The following ZNF726 variants were observed in gnomAD, a reference collection of about 807,000 sequenced individuals.
ZNF726 encodes zinc finger protein 726, also known as zinc finger protein 92 pseudogene 3.
In ZNF726, 15 loss-of-function variants were observed where a neutral mutation model predicts 11.6. That is an observed-to-expected ratio of 1.29 (90% confidence interval 0.86 to 1.99). The LOEUF (loss-of-function observed/expected upper bound fraction) is 1.99. Among genes scored for constraint, ZNF726 ranks in the 30% most tolerant of loss-of-function variants. ZNF726 has a pLI of 0.00. For synonymous variants in ZNF726, 295 were observed against 243.6 expected, an observed-to-expected ratio of 1.21 and a Z score of -1.96; for missense variants, 890 against 725.6, an observed-to-expected ratio of 1.23 and a Z score of -2.60.
At chr19:23,940,593 T>C (rs1190536123) in intron 3 of ZNF726, among the ~76,000 whole-genome samples, 2 of 152,206 alleles carry the variant, frequency 1.3e-5, no homozygotes, top group African/African-American at 4.8e-5. Context: ...TATGGTCATT[T>C]CCACAAATTT....
intron 3 of ZNF726, among the ~76,000 whole-genome samples, chr19:23,943,097 T>G (rs535315243): frequency 2.0e-5 from 3 of 152,186 alleles, no homozygotes; most frequent in East Asian, 3.9e-4. Context: ...CTTGGCTCAC[T>G]GCAACCTCCA....
In ZNF726 at chr19:23,916,322, CTT is replaced by C. The variant is rs57981964; in HGVS notation, c.3+1337_3+1338del. Among the ~76,000 whole-genome samples, 251 of 147,924 alleles carry C rather than the reference CTT, an allele frequency of 1.7e-3. 2 individuals carry two copies. The highest frequency in any genetic ancestry group is 5.6e-3 in the African/African-American group (225 of 40,420). ...CATATTGATACCTATTTTAATGAATCTTTTTTTTTTTTTAAAAGTATTTGAGA... is the reference window on the plus strand; with the variant it reads ...CATATTGATACCTATTTTAATGAATCTTTTTTTTTTTAAAAGTATTTGAGA... On this transcript the variant is annotated intron_variant, in intron 1 of 3. Coordinates refer to ENST00000594466, the MANE Select transcript of ZNF726 (RefSeq NM_001244038.2).
At chr19:23,934,576 G>GTGT, downstream of ZNF726, 1 of 351,790 alleles carries the variant, frequency 2.8e-6, no homozygotes, top group South Asian at 2.3e-5. Context: ...GAATCAAGAA[G>GTGT]GGTGTACAGT....
chr19:23,940,829 C>T (rs1029008873), intron 3 of ZNF726, among the ~76,000 whole-genome samples: 24 of 152,214 alleles, frequency 1.6e-4, no homozygotes, highest in South Asian at 1.5e-3. Context: ...GATTTGTATA[C>T]GTTAATCTTG....
chr19:23,934,325 G>T lies in ZNF726; in HGVS notation c.*358G>T. ...TTACAAATGTGAGGAATGTGGCAAA[G>T]CCTTTAAATGTTCCTCAACTGTTAC... On this transcript the variant is annotated 3_prime_UTR_variant, in exon 4 of 4. Transcript: ENST00000594466. 2 of 583,346 alleles carry T rather than the reference G, an allele frequency of 3.4e-6. No individual in the cohort carries two copies. Among genetic ancestry groups the T allele is most frequent in the East Asian group, 4.4e-5 (1 of 22,870 alleles). 36.1% of individuals were successfully genotyped at this position (583,346 alleles called of 1,614,324 possible).
At chr19:23,932,075 A>C (rs1968118249) in intron 3 of ZNF726, among the ~76,000 whole-genome samples, 1 of 152,196 alleles carries the variant, frequency 6.6e-6, no homozygotes, top group Middle Eastern at 3.4e-3. Context: ...GTAAATTTAG[A>C]CTTTTCTTTT....
chr19:23,932,599 CAG>C lies in ZNF726; in HGVS notation c.485_486del (p.Arg162IlefsTer2), dbSNP rs1568379961. The C allele has an allele frequency of 6.5e-7, 1 of 1,540,036 alleles. No homozygotes were observed. Reference sequence around the variant, plus strand: ...TCTTTTATAAATTTATAAATTTAAACAGATATAAGATAAGACATACTAGAAAG... The same window carrying C: ...TCTTTTATAAATTTATAAATTTAAACATATAAGATAAGACATACTAGAAAG... ...KVFYKFINLN[R>X]YKIRHTRKKP... On this transcript the variant is annotated frameshift_variant, in exon 4 of 4. Transcript: ENST00000594466. LOFTEE classifies it low-confidence loss of function (END_TRUNC).
chr19:23,940,138 T>C (rs1968315266), intron 3 of ZNF726, among the ~76,000 whole-genome samples: 1 of 152,176 alleles, frequency 6.6e-6, no homozygotes, highest in South Asian at 2.1e-4. Flanking sequence ...GCAAAATTTT[T>C]ATAGTTTCAG....
At chr19:23,923,415 T>TG (rs1300530843) in intron 3 of ZNF726, 2 of 407,760 alleles carry the variant, frequency 4.9e-6, no homozygotes, top group African/African-American at 4.5e-5. Context: ...AGTAATTTTT[T>TG]TTTTTTTTTT....
At chr19:23,929,996 A>G (rs1968071694) in intron 3 of ZNF726, among the ~76,000 whole-genome samples, 2 of 152,150 alleles carry the variant, frequency 1.3e-5, no homozygotes, top group Non-Finnish European at 2.9e-5. Flanking sequence ...GTCTCACTGT[A>G]TTACTCAGGC....
intron 3 of ZNF726, among the ~76,000 whole-genome samples, chr19:23,924,511 C>T (rs1443058472): frequency 6.6e-6 from 1 of 151,838 alleles, no homozygotes; most frequent in Admixed American, 6.6e-5. Flanking sequence ...ATTCATAATC[C>T]TGTATTGTCT....
chr19:23,935,122 T>A, downstream of ZNF726: 1 of 363,890 alleles, frequency 2.7e-6, no homozygotes, highest in Non-Finnish European at 5.4e-6. Flanking sequence ...GTGATACAGT[T>A]TGGCTGTAAC....
chr19:23,924,004 C>T (rs1344473495), intron 3 of ZNF726: 1 of 151,382 alleles, frequency 6.6e-6, no homozygotes, highest in Non-Finnish European at 1.5e-5. Flanking sequence ...ATAAATATGA[C>T]CCCAATTTTG....
chr19:23,932,752 G>A lies in ZNF726; in HGVS notation c.636G>A (p.Trp212Ter), dbSNP rs1180600646. ...AAGAATGTGGAAAAACCTTTAATTG[G>A]TCCTCAACCCTTACTAATCATAAGA... ...KCKECGKTFNWSSTLTNHKKT... is the reference protein window; with the variant it reads ...KCKECGKTFN The change falls in exon 4 of 4, where the codon TGG (tryptophan) becomes TGA (stop). Residue 212 changes from tryptophan to a stop codon, truncating the protein, a stop_gained. Coordinates refer to ENST00000594466, the MANE Select transcript of ZNF726 (RefSeq NM_001244038.2). LOFTEE classifies it low-confidence loss of function (END_TRUNC). 1 of 1,612,708 alleles carries A rather than the reference G, an allele frequency of 6.2e-7. No homozygotes were observed. Among genetic ancestry groups the A allele is most frequent in the Non-Finnish European group, 8.5e-7 (1 of 1,179,648 alleles).
Position 23,919,387 on chromosome 19 carries a change from T to G in ZNF726, c.18T>G (p.Phe6Leu), listed in dbSNP as rs753952009. Reference sequence around the variant, plus strand: ...GTATTTTCCAGGGACTGTTGACATTTAGGGATGTGGCCATAGAATTCTCTC... The same window carrying G: ...GTATTTTCCAGGGACTGTTGACATTGAGGGATGTGGCCATAGAATTCTCTC... MGLLT[F>L]RDVAIEFSLE... The change falls in exon 2 of 4, where the codon TTT (phenylalanine) becomes TTG (leucine). Residue 6 changes from phenylalanine to leucine, a missense_variant. Physicochemically the swap from Phe to Leu is conservative, Grantham distance 22. Coordinates refer to ENST00000594466, the MANE Select transcript of ZNF726 (RefSeq NM_001244038.2). 2.2e-5 allele frequency: 35 copies of G among 1,606,572 alleles called. No individual in the cohort carries two copies. The African/African-American group carries it at 4.7e-4, about 21-fold the overall frequency.
In ZNF726 at chr19:23,926,269, A is replaced by T. The variant is rs889783547; in HGVS notation, c.227-6074A>T. On this transcript the variant is annotated intron_variant, in intron 3 of 3. Coordinates refer to ENST00000594466, the MANE Select transcript of ZNF726 (RefSeq NM_001244038.2). ...TATATTTTAAAGAGATTAAGAAGTT[A>T]TCCGGTCGGGTGCGGTGGCTCATGC... is the stretch of plus-strand genomic sequence containing the variant. 6.6e-5 allele frequency among the ~76,000 whole-genome samples: 10 copies of T among 152,188 alleles called. No homozygotes were observed. In the East Asian group the frequency reaches 1.9e-3, roughly 29 times the overall value.
chr19:23,922,102 G>A (rs191433761), intron 3 of ZNF726, among the ~76,000 whole-genome samples: 2 of 152,326 alleles, frequency 1.3e-5, no homozygotes, highest in East Asian at 3.9e-4. Flanking sequence ...TGCTGGGTTT[G>A]CACAAGGGTC....
chr19:23,938,459 C>T (rs890991049), downstream of ZNF726, among the ~76,000 whole-genome samples: 22 of 152,212 alleles, frequency 1.4e-4, no homozygotes, highest in Non-Finnish European at 3.1e-4. Context: ...AATCTATCCT[C>T]TGTACTTTGT....
intron 3 of ZNF726, among the ~76,000 whole-genome samples, chr19:23,942,807 A>T (rs1968359445): frequency 6.6e-6 from 1 of 152,168 alleles, no homozygotes; most frequent in Non-Finnish European, 1.5e-5. Context: ...GTCCATTTGC[A>T]TGAAATGCCT....
Sources: gnomAD v4.1 joint callset for allele counts (sites outside exome capture counted in the v4.1 genomes callset) on GRCh38, gnomAD v4.1.1 for gene constraint, MANE v1.5 for transcripts, NCBI Gene and HGNC (gene_info 2026-07-23, HGNC 2026-07-21) for gene names.